The following FEM1B variants were observed in gnomAD, a reference collection of about 807,000 sequenced individuals.
The protein encoded by FEM1B is fem-1 homolog B, also known as protein fem-1 homolog B.
A neutral mutation model predicts 38.6 loss-of-function variants in FEM1B; 10 were observed. That is an observed-to-expected ratio of 0.26 (90% CI 0.16 to 0.44). The LOEUF (loss-of-function observed/expected upper bound fraction) is 0.44, where lower values mean the gene tolerates loss of function less well. Ranked by LOEUF, FEM1B falls within the 20% of genes least tolerant of loss-of-function variation. The probability of loss-of-function intolerance (pLI) is 1.00; values close to 1 mark genes in which losing one functional copy is unlikely to be tolerated. For synonymous variants in FEM1B, 288 were observed against 288.0 expected (o/e 1.00, Z 0.00); for missense variants, 471 against 786.7 (o/e 0.60, Z 4.80).
rs1892811282 is a variant in FEM1B at position 68,288,322 on chromosome 15, C to G, written c.249-1285C>G. Among the ~76,000 whole-genome samples, 1 of 152,132 alleles carries G rather than the reference C, an allele frequency of 6.6e-6. No individual in the cohort carries two copies. Among genetic ancestry groups the G allele is most frequent in the African/African-American group, 2.4e-5 (1 of 41,410 alleles). On this transcript the variant is annotated intron_variant, in intron 1 of 1. Coordinates refer to ENST00000306917, the MANE Select transcript of FEM1B (RefSeq NM_015322.5). This position sits in a 1 kb window ranked among gnomAD's most constrained non-coding sequence, Gnocchi z 4.6. ...CACTTCATGGGGGATATAATTTGACCAGTGTTATAAGGTTGTATAGTGAGA... is the reference window on the plus strand; with the variant it reads ...CACTTCATGGGGGATATAATTTGACGAGTGTTATAAGGTTGTATAGTGAGA...
chr15:68,280,977 A>G lies in FEM1B; in HGVS notation c.248+2312A>G, dbSNP rs1182177347. ...GTTTCTACTTTTGAGAAGCTTACAA[A>G]TTAATTAATAAAAGAGATATTGAAG... On this transcript the variant is annotated intron_variant, in intron 1 of 1. Transcript: ENST00000306917. This position sits in a 1 kb window ranked among gnomAD's most constrained non-coding sequence, Gnocchi z 4.2. Among the ~76,000 whole-genome samples the G allele has an allele frequency of 6.6e-6, 1 of 152,246 alleles. No individual in the cohort carries two copies. Among genetic ancestry groups the G allele is most frequent in the Non-Finnish European group, 1.5e-5 (1 of 68,040 alleles).
rs1429361377 is a variant in FEM1B at position 68,290,578 on chromosome 15, T to C, written c.1220T>C (p.Ile407Thr). 1.2e-6 allele frequency: 2 copies of C among 1,614,204 alleles called. No homozygotes were observed. Among genetic ancestry groups the C allele is most frequent in the Non-Finnish European group, 1.7e-6 (2 of 1,180,020 alleles). The change falls in exon 2 of 2, where the codon ATA (isoleucine) becomes ACA (threonine). Residue 407 changes from isoleucine (I) to threonine (T), a missense_variant. Coordinates refer to ENST00000306917, the MANE Select transcript of FEM1B (RefSeq NM_015322.5). The surrounding 1 kb of genome is among the most constrained non-coding windows in gnomAD (Gnocchi z 9.7). ...AATGAAACTGTGAAGGCCCCAGACA[T>C]AGAATGTGTTTTGAGATGCAGTGTT... ...HLNETVKAPDIECVLRCSVLE... is the reference protein window; with the variant it reads ...HLNETVKAPDTECVLRCSVLE...
chr15:68,278,577 G>T lies in FEM1B; in HGVS notation c.160G>T (p.Ala54Ser). 6.2e-7 allele frequency: 1 copy of T among 1,614,148 alleles called. No individual in the cohort carries two copies. Among genetic ancestry groups the T allele is most frequent in the Non-Finnish European group, 8.5e-7 (1 of 1,180,038 alleles). Residue 54 changes from alanine (A) to serine (S), a missense_variant, in exon 1 of 2, where the codon GCC (alanine) becomes TCC (serine). Around this residue, in one of 3 missense-constraint regions of FEM1B, gnomAD observed 91 missense variants for 169.6 expected, o/e 0.54. Transcript: ENST00000306917. This position sits in a 1 kb window ranked among gnomAD's most constrained non-coding sequence, Gnocchi z 5.7. Reference sequence around the variant, plus strand: ...GCGCTCCACGCCCCTCATCATCGCAGCCCGCAATGGACACGCAAAGGTGGT... The same window carrying T: ...GCGCTCCACGCCCCTCATCATCGCATCCCGCAATGGACACGCAAAGGTGGT... Reference protein sequence around the residue: ...GQRSTPLIIAARNGHAKVVRL... With the variant: ...GQRSTPLIIASRNGHAKVVRL...
At position 68,278,075 on chromosome 15, in the gene FEM1B, C is replaced by G. The variant is rs1595838556; in HGVS notation, c.-343C>G. 4 of 248,468 alleles carry G rather than the reference C, an allele frequency of 1.6e-5. No individual in the cohort carries two copies. Among genetic ancestry groups the G allele is most frequent in the Non-Finnish European group, 3.1e-5 (4 of 129,710 alleles). 15.4% of individuals were successfully genotyped at this position (248,468 alleles called of 1,614,324 possible). On this transcript the variant is annotated 5_prime_UTR_variant, in exon 1 of 2. Coordinates refer to ENST00000306917, the MANE Select transcript of FEM1B (RefSeq NM_015322.5). This position sits in a 1 kb window ranked among gnomAD's most constrained non-coding sequence, Gnocchi z 5.7. ...GGCGACCCGTAGCTCGGGCACGCGC[C>G]TGTCGCATCCCGCAGGAAGGAGGGG... is the stretch of plus-strand genomic sequence containing the variant.
rs1355530035 is a variant in FEM1B at position 68,290,839 on chromosome 15, C to T, written c.1481C>T (p.Ser494Phe). The change falls in exon 2 of 2, where the codon TCC (serine) becomes TTC (phenylalanine). Residue 494 changes from serine to phenylalanine, a missense_variant. Around this residue, in one of 3 missense-constraint regions of FEM1B, gnomAD observed 380 missense variants for 599.6 expected, o/e 0.63. Transcript: ENST00000306917. This position sits in a 1 kb window ranked among gnomAD's most constrained non-coding sequence, Gnocchi z 9.7. ...GFTLLHLAVN[S>F]NTPVDDFHTN... ...ACCTTGCTGCATCTGGCTGTCAATT[C>T]CAATACTCCAGTTGATGATTTCCAC... The T allele has an allele frequency of 1.9e-6, 3 of 1,613,960 alleles. No homozygotes were observed. The highest frequency in any genetic ancestry group is 3.3e-5 in the Admixed American group (2 of 59,996).
rs367665442 is a variant in FEM1B at position 68,289,582 on chromosome 15, A to G, written c.249-25A>G. 2.0e-5 allele frequency: 32 copies of G among 1,591,312 alleles called. No individual in the cohort carries two copies. The Admixed American group carries it at 4.5e-4, about 23-fold the overall frequency. Reference sequence around the variant, plus strand: ...TGTTAGGCTGTGGCCTCTGTTATCTAACTGCTTATTCTTTTCATGTGTAGG... The same window carrying G: ...TGTTAGGCTGTGGCCTCTGTTATCTGACTGCTTATTCTTTTCATGTGTAGG... On this transcript the variant is annotated intron_variant, in intron 1 of 1. Coordinates refer to ENST00000306917, the MANE Select transcript of FEM1B (RefSeq NM_015322.5). The surrounding 1 kb of genome is among the most constrained non-coding windows in gnomAD (Gnocchi z 6.9).
intron 1 of FEM1B, among the ~76,000 whole-genome samples, chr15:68,282,541 C>G (rs1215395114): frequency 6.6e-6 from 1 of 152,136 alleles, no homozygotes; most frequent in African/African-American, 2.4e-5. Flanking sequence ...GCCTTGTGAT[C>G]AGAAATGTTA....
rs1416551684 is a variant in FEM1B, at chr15:68,292,614, G to A, written c.*1372G>A. On this transcript the variant is annotated 3_prime_UTR_variant, in exon 2 of 2. Coordinates refer to ENST00000306917, the MANE Select transcript of FEM1B (RefSeq NM_015322.5). ...AATGCCTTAGCTACTCATAGTGCAT[G>A]GTACTGTAAGTGAAGACCTGTAGCT... The A allele has an allele frequency of 6.6e-6, 1 of 150,986 alleles. No homozygotes were observed. Among genetic ancestry groups the A allele is most frequent in the Non-Finnish European group, 1.5e-5 (1 of 67,848 alleles). The allele number at this position is 150,986 out of a possible 1,614,324, so 9.4% of individuals were successfully genotyped here.
At position 68,294,078 on chromosome 15, in the gene FEM1B, T is replaced by A. The variant is rs1041431381; in HGVS notation, c.*2836T>A. 6.6e-6 allele frequency: 1 copy of A among 152,174 alleles called. No homozygotes were observed. The allele number at this position is 152,174 out of a possible 1,614,324, so 9.4% of individuals were successfully genotyped here. Reference sequence around the variant, plus strand: ...AAATCATGAGAAACTTAAGTGGGTTTTATGCACTTGATAGAGTTGGCAAAA... The same window carrying A: ...AAATCATGAGAAACTTAAGTGGGTTATATGCACTTGATAGAGTTGGCAAAA... On this transcript the variant is annotated 3_prime_UTR_variant, in exon 2 of 2. Coordinates refer to ENST00000306917, the MANE Select transcript of FEM1B (RefSeq NM_015322.5). This position sits in a 1 kb window ranked among gnomAD's most constrained non-coding sequence, Gnocchi z 4.4.
chr15:68,287,388 GA>G (rs1892801122), intron 1 of FEM1B, among the ~76,000 whole-genome samples: 1 of 152,134 alleles, frequency 6.6e-6, no homozygotes, highest in African/African-American at 2.4e-5. Context: ...GAAAATGTAG[GA>G]CATTTCCAGT....
At chr15:68,285,899 A>C (rs1415719641) in intron 1 of FEM1B, among the ~76,000 whole-genome samples, 6 of 150,462 alleles carry the variant, frequency 4.0e-5, no homozygotes, top group African/African-American at 1.5e-4. Flanking sequence ...AATCCAATAA[A>C]TACTTTCTTT....
At position 68,278,496 on chromosome 15, in the gene FEM1B, C is replaced by T; in HGVS notation, c.79C>T (p.Arg27Trp). 6.2e-7 allele frequency: 1 copy of T among 1,613,958 alleles called. No individual in the cohort carries two copies. Among genetic ancestry groups the T allele is most frequent in the Non-Finnish European group, 8.5e-7 (1 of 1,180,022 alleles). ...GACTCTGGCCGCCTTGCTTCTCAAC[C>T]GGTCTGAAAGCGACATCCGCTATCT... is the stretch of plus-strand genomic sequence containing the variant. ...VLTLAALLLN[R>W]SESDIRYLLG... The change falls in exon 1 of 2, where the codon CGG becomes TGG. Residue 27 changes from arginine to tryptophan, a missense_variant. By Grantham distance (101) the Arg-to-Trp change is moderately radical. Transcript: ENST00000306917. This position sits in a 1 kb window ranked among gnomAD's most constrained non-coding sequence, Gnocchi z 5.7.
In FEM1B at chr15:68,289,986, C is replaced by T. The variant is rs138980106; in HGVS notation, c.628C>T (p.Arg210Cys). 5.6e-6 allele frequency: 9 copies of T among 1,614,180 alleles called. No homozygotes were observed. Among genetic ancestry groups the T allele is most frequent in the Non-Finnish European group, 5.1e-6 (6 of 1,180,010 alleles). The part of the protein sequence containing the change: ...IDIVKELIKW[R>C]AAIVVNGHGM... Reference sequence around the variant, plus strand: ...TATTGTGAAAGAGCTGATAAAATGGCGTGCTGCTATAGTAGTGAATGGCCA... The same window carrying T: ...TATTGTGAAAGAGCTGATAAAATGGTGTGCTGCTATAGTAGTGAATGGCCA... The change falls in exon 2 of 2, where the codon CGT becomes TGT. Residue 210 changes from arginine to cysteine, a missense_variant. By Grantham distance (180) the Arg-to-Cys change is radical (BLOSUM62 -3). This residue lies in a region of FEM1B where 380 missense variants were observed against 599.6 expected (regional missense o/e 0.63). Transcript: ENST00000306917. This position sits in a 1 kb window ranked among gnomAD's most constrained non-coding sequence, Gnocchi z 6.9.
Position 68,290,175 on chromosome 15 carries a change from T to C in FEM1B, c.817T>C (p.Tyr273His). The C allele has an allele frequency of 6.2e-7, 1 of 1,613,990 alleles. No homozygotes were observed. The highest frequency in any genetic ancestry group is 8.5e-7 in the Non-Finnish European group (1 of 1,179,978). The change falls in exon 2 of 2, where the codon TAC (tyrosine) becomes CAC (histidine). Residue 273 changes from tyrosine to histidine, a missense_variant. Physicochemically the swap from Tyr to His is moderately conservative, Grantham distance 83. This residue lies in a region of FEM1B where 380 missense variants were observed against 599.6 expected (regional missense o/e 0.63). Transcript: ENST00000306917. The surrounding 1 kb of genome is among the most constrained non-coding windows in gnomAD (Gnocchi z 9.7). ...TGAGAACTATGACATCATAAAGACATACCACTATCTATATTTAGCCATGTT... is the reference window on the plus strand; with the variant it reads ...TGAGAACTATGACATCATAAAGACACACCACTATCTATATTTAGCCATGTT... ...DRENYDIIKTYHYLYLAMLER... is the reference protein window; with the variant it reads ...DRENYDIIKTHHYLYLAMLER...
In FEM1B at chr15:68,288,141, G is replaced by C. The variant is rs192804259; in HGVS notation, c.249-1466G>C. ...CACCATGCCAGGCCTAACGCCTCTTGTGTGTGGTCCTTAATTTCATTCACA... is the reference window on the plus strand; with the variant it reads ...CACCATGCCAGGCCTAACGCCTCTTCTGTGTGGTCCTTAATTTCATTCACA... On this transcript the variant is annotated intron_variant, in intron 1 of 1. Coordinates refer to ENST00000306917, the MANE Select transcript of FEM1B (RefSeq NM_015322.5). The surrounding 1 kb of genome is among the most constrained non-coding windows in gnomAD (Gnocchi z 4.6). Among the ~76,000 whole-genome samples, 115 of 152,286 alleles carry C rather than the reference G, an allele frequency of 7.6e-4. No individual in the cohort carries two copies. Among genetic ancestry groups the C allele is most frequent in the Non-Finnish European group, 8.2e-4 (56 of 68,012 alleles).
In FEM1B at chr15:68,280,758, T is replaced by C. The variant is rs1892717182; in HGVS notation, c.248+2093T>C. On this transcript the variant is annotated intron_variant, in intron 1 of 1. Coordinates refer to ENST00000306917, the MANE Select transcript of FEM1B (RefSeq NM_015322.5). This position sits in a 1 kb window ranked among gnomAD's most constrained non-coding sequence, Gnocchi z 4.2. ...CTGTATAAAGTACTAAGAGTAAGACTGGTTAAACTGCAATCTCAAATGTTT... is the reference window on the plus strand; with the variant it reads ...CTGTATAAAGTACTAAGAGTAAGACCGGTTAAACTGCAATCTCAAATGTTT... 1.3e-5 allele frequency among the ~76,000 whole-genome samples: 2 copies of C among 152,234 alleles called. No homozygotes were observed. The highest frequency in any genetic ancestry group is 4.1e-4 in the South Asian group (2 of 4,828).
Position 68,280,945 on chromosome 15 carries a change from A to G in FEM1B, c.248+2280A>G, listed in dbSNP as rs1567112588. ...CTGGAGGAAATGTAAGGTACAGGAA[A>G]TCTAAGGTTTCTACTTTTGAGAAGC... is the stretch of plus-strand genomic sequence containing the variant. On this transcript the variant is annotated intron_variant, in intron 1 of 1. Transcript: ENST00000306917. The surrounding 1 kb of genome is among the most constrained non-coding windows in gnomAD (Gnocchi z 4.2). Among the ~76,000 whole-genome samples, 2 of 152,238 alleles carry G rather than the reference A, an allele frequency of 1.3e-5. No individual in the cohort carries two copies. Among genetic ancestry groups the G allele is most frequent in the Non-Finnish European group, 2.9e-5 (2 of 68,038 alleles).
chr15:68,283,885 C>CTTT (rs35187853), intron 1 of FEM1B, among the ~76,000 whole-genome samples: 1 of 139,156 alleles, frequency 7.2e-6, no homozygotes, highest in Non-Finnish European at 1.6e-5. Flanking sequence ...CTCACGTAAA[C>CTTT]TTTTTTTTTT....
In FEM1B at chr15:68,292,413, T is replaced by G. The variant is rs1373712992; in HGVS notation, c.*1171T>G. 2.6e-5 allele frequency: 4 copies of G among 152,180 alleles called. No individual in the cohort carries two copies. The highest frequency in any genetic ancestry group is 4.8e-5 in the African/African-American group (2 of 41,454). The allele number at this position is 152,180 out of a possible 1,614,324, so 9.4% of individuals were successfully genotyped here. A position where few individuals can be genotyped will look rare whatever the true frequency, so the allele number is the denominator to read the frequency against. On this transcript the variant is annotated 3_prime_UTR_variant, in exon 2 of 2. Transcript: ENST00000306917. ...GGCTATACAGAGGTCTTTATGGTTT[T>G]TTTGTTTTGTTTTAATGGCAACATT...
Sources: allele counts gnomAD v4.1 joint callset (sites outside exome capture counted in the v4.1 genomes callset), GRCh38; gene constraint gnomAD v4.1.1; regional missense constraint gnomAD v4.1.1; non-coding constraint Gnocchi (gnomAD v3.1); transcripts MANE v1.5; gene names NCBI Gene and HGNC (gene_info 2026-07-23, HGNC 2026-07-21).